MEF2A: variants seen among roughly 807,000 people sequenced by gnomAD.
MEF2A encodes the protein myocyte enhancer factor 2A.
A neutral mutation model predicts 55.8 loss-of-function variants in MEF2A; 28 were observed. The ratio of observed to expected loss-of-function variants is 0.50; its 90% confidence interval spans 0.37 to 0.69. MEF2A has a LOEUF of 0.69. Among genes scored for constraint, MEF2A ranks in the 30% least tolerant of loss-of-function variants. The pLI is 0.00. For missense variants in MEF2A, 528 were observed against 626.2 expected, an observed-to-expected ratio of 0.84 and a Z score of 1.67; for synonymous variants, 239 against 227.1, an observed-to-expected ratio of 1.05 and a Z score of -0.47.
chr15:99,699,966 G>GTT (rs202145716), intron 8 of MEF2A, among the ~76,000 whole-genome samples: 1,725 of 95,334 alleles, frequency 0.018, 24 homozygotes, highest in East Asian at 0.066. Context: ...GTGTGTGTGT[G>GTT]TGTGTGTGTG....
chr15:99,596,656 G>T (rs937109044), intron 1 of MEF2A, among the ~76,000 whole-genome samples: 1 of 152,124 alleles, frequency 6.6e-6, no homozygotes, highest in Non-Finnish European at 1.5e-5. Context: ...TTGAATCACC[G>T]GATCATGCAA....
At chr15:99,657,392 A>T (rs1350758664) in intron 4 of MEF2A, 3 of 151,898 alleles carry the variant, frequency 2.0e-5, no homozygotes, top group African/African-American at 7.2e-5. Context: ...TTTTTTTAAA[A>T]TTTTGATATT....
At position 99,690,410 on chromosome 15, in the gene MEF2A, G is replaced by C. The variant is rs1281469976; in HGVS notation, c.840G>C (p.Lys280Asn). 1 of 1,598,738 alleles carries C rather than the reference G, an allele frequency of 6.3e-7. No individual in the cohort carries two copies. The change falls in exon 8 of 12, where the codon AAG becomes AAC. Residue 280 changes from lysine (K) to asparagine (N), a missense_variant. Coordinates refer to ENST00000557942, the MANE Select transcript of MEF2A (RefSeq NM_001319206.4). ...GAGTTGTCATCCCCCCTTCAAGCAA[G>C]GGCATGATGCCTCCACTAGTAAGTT... ...DLRVVIPPSS[K>N]GMMPPLSEEE...
Position 99,714,071 on chromosome 15 carries a change from G to T in MEF2A, c.*1300G>T, listed in dbSNP as rs1439888096. 6.6e-6 allele frequency: 1 copy of T among 152,116 alleles called. No individual in the cohort carries two copies. The highest frequency in any genetic ancestry group is 2.4e-5 in the African/African-American group (1 of 41,424). 9.4% of individuals were successfully genotyped at this position (152,116 alleles called of 1,614,324 possible). A position where few individuals can be genotyped will look rare whatever the true frequency, so the allele number is the denominator to read the frequency against. ...TTTTTTCAGAGGATTGTATAAAGGG[G>T]TTTCTCCCCTCACTGGTGGTGAATG... On this transcript the variant is annotated 3_prime_UTR_variant, in exon 12 of 12. Transcript: ENST00000557942.
At chr15:99,602,422 A>C (rs1027424344) in intron 2 of MEF2A, among the ~76,000 whole-genome samples, 2 of 151,922 alleles carry the variant, frequency 1.3e-5, no homozygotes, top group Non-Finnish European at 2.9e-5. Context: ...CAATGTCCCT[A>C]GGAAGTCATA....
At chr15:99,693,653 C>T (rs1016147503) in intron 8 of MEF2A, among the ~76,000 whole-genome samples, 3 of 152,014 alleles carry the variant, frequency 2.0e-5, no homozygotes, top group Non-Finnish European at 2.9e-5. Context: ...CTCTACCCAC[C>T]AAAAATATCT....
intron 3 of MEF2A, among the ~76,000 whole-genome samples, chr15:99,637,705 C>T (rs1454662778): frequency 3.9e-5 from 6 of 151,972 alleles, no homozygotes; most frequent in African/African-American, 7.3e-5. Context: ...TGCAGTGGCA[C>T]GCTGTCGGCT....
chr15:99,691,700 G>GA lies in MEF2A; in HGVS notation c.858+1282dup, dbSNP rs911880123. ...GTGACAGAGCAAGACTCTGTCTCAA[G>GA]AAAAAAAAAAGAAAAAATTCTGCAT... On this transcript the variant is annotated intron_variant, in intron 8 of 11. Coordinates refer to ENST00000557942, the MANE Select transcript of MEF2A (RefSeq NM_001319206.4). 3.7e-4 allele frequency among the ~76,000 whole-genome samples: 54 copies of GA among 145,642 alleles called. No homozygotes were observed. The Middle Eastern group carries it at 0.018, about 49-fold the overall frequency.
At chr15:99,649,890 G>T (rs1006952132) in intron 4 of MEF2A, among the ~76,000 whole-genome samples, 14 of 152,058 alleles carry the variant, frequency 9.2e-5, no homozygotes, top group Admixed American at 1.3e-4. Context: ...GTTTTTTCCT[G>T]TCATTTGGCA....
At chr15:99,589,720 T>A (rs1030013760) in intron 1 of MEF2A, among the ~76,000 whole-genome samples, 1 of 152,160 alleles carries the variant, frequency 6.6e-6, no homozygotes, top group African/African-American at 2.4e-5. Context: ...TTTTAAAATT[T>A]TAAATGATTT....
At chr15:99,687,448 T>C (rs2054506647) in intron 7 of MEF2A, among the ~76,000 whole-genome samples, 1 of 152,210 alleles carries the variant, frequency 6.6e-6, no homozygotes, top group South Asian at 2.1e-4. Context: ...TATACTAGAA[T>C]GAAAGGAGCA....
At chr15:99,590,931 G>C (rs1003274247) in intron 1 of MEF2A, among the ~76,000 whole-genome samples, 1 of 151,972 alleles carries the variant, frequency 6.6e-6, no homozygotes, top group African/African-American at 2.4e-5. Flanking sequence ...GTAGAGCTAG[G>C]TTTCTATCTG....
At chr15:99,661,504 A>G (rs957393444) in intron 4 of MEF2A, among the ~76,000 whole-genome samples, 4 of 151,790 alleles carry the variant, frequency 2.6e-5, no homozygotes. Flanking sequence ...TTATAAAATA[A>G]TTACTATAAA....
At position 99,578,730 on chromosome 15, in the gene MEF2A, AATC is replaced by A. The variant is rs568219740; in HGVS notation, c.-225+12629_-225+12631del. Among the ~76,000 whole-genome samples the A allele has an allele frequency of 1.3e-3, 194 of 152,346 alleles. 1 individual carries two copies. The highest frequency in any genetic ancestry group is 2.1e-3 in the Non-Finnish European group (144 of 68,022). The stretch of plus-strand genomic sequence containing the variant: ...TTCCCCAAAATCACTATGTATGCAT[AATC>A]ATGCAATGAAAGCCACAGGGTTCGT... On this transcript the variant is annotated intron_variant, in intron 1 of 11. Coordinates refer to ENST00000557942, the MANE Select transcript of MEF2A (RefSeq NM_001319206.4).
In MEF2A at chr15:99,712,323, A is replaced by C; in HGVS notation, c.1137-67A>C. On this transcript the variant is annotated intron_variant, in intron 11 of 11. Coordinates refer to ENST00000557942, the MANE Select transcript of MEF2A (RefSeq NM_001319206.4). The surrounding 1 kb of genome is among the most constrained non-coding windows in gnomAD (Gnocchi z 4.1). ...CCCTTTTCCATCAGGCAGTGTCTCT[A>C]CTGTATCATCCCAGTTTTGCAGAGG... 2 of 1,469,874 alleles carry C rather than the reference A, an allele frequency of 1.4e-6. No homozygotes were observed. Among genetic ancestry groups the C allele is most frequent in the South Asian group, 1.4e-5 (1 of 71,772 alleles). 91.1% of individuals were successfully genotyped at this position (1,469,874 alleles called of 1,614,324 possible). A position where few individuals can be genotyped will look rare whatever the true frequency, so the allele number is the denominator to read the frequency against.
At chr15:99,626,999 T>A (rs2042145519) in intron 2 of MEF2A, among the ~76,000 whole-genome samples, 1 of 152,142 alleles carries the variant, frequency 6.6e-6, no homozygotes, top group Non-Finnish European at 1.5e-5. Flanking sequence ...ATGACCTTCA[T>A]GAACTTAAAG....
intron 10 of MEF2A, 92 bp from the exon 11 acceptor site, chr15:99,710,542 C>A: frequency 6.6e-7 from 1 of 1,512,980 alleles, no homozygotes; most frequent in Middle Eastern, 1.7e-4. Context: ...CATGGCTGGC[C>A]TCAATGTAGG....
Position 99,610,426 on chromosome 15 carries a change from CA to C in MEF2A, c.-143+11916del, listed in dbSNP as rs139883401. On this transcript the variant is annotated intron_variant, in intron 2 of 11. Transcript: ENST00000557942. ...GGTCTCCCCCGCCCCCCCCCCCCCC[CA>C]CCCCCCCCCGAAATTGACAAACTGA... Among the ~76,000 whole-genome samples the C allele has an allele frequency of 4.2e-3, 246 of 58,062 alleles. 5 individuals are homozygous for C. The highest frequency in any genetic ancestry group is 8.7e-3 in the South Asian group (11 of 1,266). 38.1% of individuals were successfully genotyped at this position (58,062 alleles called of 152,430 possible).
intron 4 of MEF2A, among the ~76,000 whole-genome samples, chr15:99,661,222 A>G (rs543615222): frequency 6.6e-6 from 1 of 152,326 alleles, no homozygotes; most frequent in African/African-American, 2.4e-5. Flanking sequence ...AATTACCTCC[A>G]GGATGCTTAT....
Sources: allele counts gnomAD v4.1 joint callset (sites outside exome capture counted in the v4.1 genomes callset), GRCh38; gene constraint gnomAD v4.1.1; non-coding constraint Gnocchi (gnomAD v3.1); transcripts MANE v1.5; gene names NCBI Gene and HGNC (gene_info 2026-07-23, HGNC 2026-07-21).